The following SNTG1 variants were observed in gnomAD, a reference collection of about 807,000 sequenced individuals.
SNTG1 encodes the protein syntrophin gamma 1, also known as gamma-1-syntrophin.
In SNTG1, 39 loss-of-function variants were observed where a neutral mutation model predicts 74.7. That is an observed-to-expected ratio of 0.52 (90% CI 0.40 to 0.68). The LOEUF is 0.68. Ranked by LOEUF, SNTG1 falls within the 30% of genes least tolerant of loss-of-function variation. SNTG1 has a pLI of 0.00. For missense variants in SNTG1, 685 were observed against 609.5 expected (o/e 1.12, Z -1.30); for synonymous variants, 254 against 217.1 (o/e 1.17, Z -1.49).
rs948130074 is a variant in SNTG1, at chr8:50,714,388, A to G, written c.1284+5410A>G. On this transcript the variant is annotated intron_variant, in intron 17 of 18. Transcript: ENST00000642720. Reference sequence around the variant, plus strand: ...CTACAAACTGCTGCTCAAGGAAATAAGAGAGGACACAAACAAATGAAAAAA... The same window carrying G: ...CTACAAACTGCTGCTCAAGGAAATAGGAGAGGACACAAACAAATGAAAAAA... Among the ~76,000 whole-genome samples, 16 of 150,088 alleles carry G rather than the reference A, an allele frequency of 1.1e-4. No homozygotes were observed. In the East Asian group the frequency reaches 3.0e-3, roughly 28 times the overall value.
chr8:50,468,030 A>G (rs1416858347), intron 8 of SNTG1, among the ~76,000 whole-genome samples: 1 of 151,372 alleles, frequency 6.6e-6, no homozygotes, highest in Non-Finnish European at 1.5e-5. Context: ...TTCAAAAAAT[A>G]GTTAAAATTT....
At chr8:50,113,768 AATTT>A (rs2080702131) in intron 1 of SNTG1, among the ~76,000 whole-genome samples, 1 of 152,170 alleles carries the variant, frequency 6.6e-6, no homozygotes, top group Non-Finnish European at 1.5e-5. Flanking sequence ...ATCAATACCT[AATTT>A]ATTTAGAGTT....
intron 1 of SNTG1, among the ~76,000 whole-genome samples, chr8:49,953,340 T>C (rs879261009): frequency 3.9e-5 from 6 of 152,182 alleles, no homozygotes; most frequent in Non-Finnish European, 8.8e-5. Context: ...GAGAGGACCC[T>C]TGGGGGGAAA....
At chr8:50,104,407 A>G (rs1462006791) in intron 1 of SNTG1, among the ~76,000 whole-genome samples, 1 of 152,100 alleles carries the variant, frequency 6.6e-6, no homozygotes, top group African/African-American at 2.4e-5. Flanking sequence ...CGGTGCTGAT[A>G]TCCCCTTTAT....
chr8:50,338,133 C>CA (rs559885856), intron 2 of SNTG1, among the ~76,000 whole-genome samples: 7,265 of 148,586 alleles, frequency 0.049, 226 homozygotes, highest in Non-Finnish European at 0.071. Flanking sequence ...GACTCTGTCT[C>CA]AAAAAAAATA....
At chr8:50,539,988 G>A (rs771138212) in intron 11 of SNTG1, among the ~76,000 whole-genome samples, 3 of 152,142 alleles carry the variant, frequency 2.0e-5, no homozygotes, top group Non-Finnish European at 2.9e-5. Flanking sequence ...TCAGAGGGTC[G>A]TGTCTAGGAC....
intron 8 of SNTG1, among the ~76,000 whole-genome samples, chr8:50,466,977 G>A (rs1014581138): frequency 6.6e-6 from 1 of 151,736 alleles, no homozygotes; most frequent in Non-Finnish European, 1.5e-5. Context: ...GGGTTTGTCT[G>A]GATTGCAAAC....
chr8:50,442,981 C>T (rs537969892), intron 5 of SNTG1, among the ~76,000 whole-genome samples: 2 of 152,290 alleles, frequency 1.3e-5, no homozygotes, highest in African/African-American at 4.8e-5. Context: ...ACTCTTGTCT[C>T]CTTCCCCTCT....
chr8:50,278,558 C>A (rs929274532), intron 2 of SNTG1, among the ~76,000 whole-genome samples: 1 of 152,066 alleles, frequency 6.6e-6, no homozygotes, highest in African/African-American at 2.4e-5. Context: ...AATGTTTAGG[C>A]TGTTATAGGT....
In SNTG1 at chr8:50,028,736, AT is replaced by A. The variant is rs1217803794; in HGVS notation, c.-103+116506del. Among the ~76,000 whole-genome samples the A allele has an allele frequency of 2.6e-5, 4 of 152,002 alleles. No individual in the cohort carries two copies. The East Asian group carries it at 7.7e-4, about 29-fold the overall frequency. On this transcript the variant is annotated intron_variant, in intron 1 of 18. Transcript: ENST00000642720. ...GCACATGTACCCTAAAACTTAAAGT[AT>A]AAAAAAAAAGAGATATAGTTTTTCT...
At chr8:50,724,217 G>C (rs2095494629) in intron 17 of SNTG1, among the ~76,000 whole-genome samples, 1 of 152,102 alleles carries the variant, frequency 6.6e-6, no homozygotes. Context: ...GGCTGTGGAA[G>C]ATATCACAGA....
At chr8:50,054,500 A>G (rs1265579383) in intron 1 of SNTG1, among the ~76,000 whole-genome samples, 3 of 152,066 alleles carry the variant, frequency 2.0e-5, no homozygotes, top group Non-Finnish European at 2.9e-5. Flanking sequence ...ATTACTGAAC[A>G]AACCATAAAC....
intron 8 of SNTG1, among the ~76,000 whole-genome samples, chr8:50,455,485 G>A (rs1259733888): frequency 6.6e-6 from 1 of 152,098 alleles, no homozygotes; most frequent in African/African-American, 2.4e-5. Flanking sequence ...AATTCTAAAA[G>A]AACAGACTGA....
At chr8:50,183,253 TCTG>T (rs2083270716) in intron 2 of SNTG1, among the ~76,000 whole-genome samples, 3 of 152,224 alleles carry the variant, frequency 2.0e-5, no homozygotes, top group Admixed American at 2.0e-4. Context: ...CTGCGCTATT[TCTG>T]TAAGTCTTAC....
At chr8:50,761,174 A>T (rs2095597675) in intron 18 of SNTG1, among the ~76,000 whole-genome samples, 1 of 151,984 alleles carries the variant, frequency 6.6e-6, no homozygotes, top group South Asian at 2.1e-4. Flanking sequence ...CTTATCCACC[A>T]CGATCAAGTT....
At chr8:50,604,924 G>A (rs2094802039) in intron 13 of SNTG1, among the ~76,000 whole-genome samples, 1 of 152,112 alleles carries the variant, frequency 6.6e-6, no homozygotes, top group African/African-American at 2.4e-5. Context: ...ATCCCTGCAG[G>A]TTATTCAGGG....
intron 1 of SNTG1, among the ~76,000 whole-genome samples, chr8:50,161,544 G>A (rs2082415237): frequency 1.3e-5 from 2 of 152,100 alleles, no homozygotes; most frequent in South Asian, 4.1e-4. Flanking sequence ...GCTGATTCTA[G>A]GGACTTTCCA....
chr8:50,527,715 T>C (rs546937814), intron 9 of SNTG1, among the ~76,000 whole-genome samples: 3 of 152,140 alleles, frequency 2.0e-5, no homozygotes, highest in African/African-American at 7.2e-5. Context: ...TCTACATCTA[T>C]TGTATTGCTG....
Position 50,122,170 on chromosome 8 carries a change from G to T in SNTG1, c.-102-50391G>T, listed in dbSNP as rs148703465. Among the ~76,000 whole-genome samples, 90 of 141,888 alleles carry T rather than the reference G, an allele frequency of 6.3e-4. 13 individuals carry two copies. Among genetic ancestry groups the T allele is most frequent in the African/African-American group, 1.8e-3 (70 of 39,246 alleles). 93.1% of individuals were successfully genotyped at this position (141,888 alleles called of 152,430 possible). ...TGTGCCCATGGTTGTGTGGGATAGT[G>T]TTTCTCAGCCTCTGTAGGCCACGCT... On this transcript the variant is annotated intron_variant, in intron 1 of 18. Transcript: ENST00000642720.
Sources: gnomAD v4.1 joint callset for allele counts (sites outside exome capture counted in the v4.1 genomes callset) on GRCh38, gnomAD v4.1.1 for gene constraint, MANE v1.5 for transcripts, NCBI Gene and HGNC (gene_info 2026-07-23, HGNC 2026-07-21) for gene names.